Variants in ANK1 observed in about 807,000 individuals in gnomAD.
ANK1 encodes the protein ankyrin-1.
ANK1 carries 51 observed loss-of-function variants against 210.4 expected under a neutral mutation model. The observed-to-expected ratio is 0.24, with a 90% CI of 0.19 to 0.31. The LOEUF is 0.31. ANK1 is among the 10% of genes least tolerant of loss of function. ANK1 has a pLI of 1.00. For synonymous variants in ANK1, 967 were observed against 1,025.9 expected, an observed-to-expected ratio of 0.94 and a Z score of 1.10; for missense variants, 2,051 against 2,504.4, an observed-to-expected ratio of 0.82 and a Z score of 3.86.
intron 1 of ANK1, among the ~76,000 whole-genome samples, chr8:41,884,938 A>G (rs1818200577): frequency 6.6e-6 from 1 of 151,970 alleles, no homozygotes; most frequent in African/African-American, 2.4e-5. Context: ...AAATCCTAGG[A>G]GCACGGGGAG....
chr8:41,836,375 C>G lies in ANK1; in HGVS notation c.126+59980G>C, dbSNP rs149480823. 1.4e-4 allele frequency among the ~76,000 whole-genome samples: 22 copies of G among 152,388 alleles called. No individual in the cohort carries two copies. In the East Asian group the frequency reaches 3.9e-3, roughly 27 times the overall value. ...GTTTCCATTCTCCAGAGATTTCTTG[C>G]TCTGTCTCCTGTCTGCAATAGCAGG... On this transcript the variant is annotated intron_variant, in intron 1 of 42. Transcript: ENST00000265709.
intron 31 of ANK1, among the ~76,000 whole-genome samples, chr8:41,692,322 G>A (rs946858612): frequency 3.3e-5 from 5 of 152,238 alleles, no homozygotes; most frequent in Non-Finnish European, 7.3e-5. Flanking sequence ...CTTTCAAAGT[G>A]TTGAGATGAA....
At chr8:41,756,956 G>A (rs1182000350) in intron 2 of ANK1, among the ~76,000 whole-genome samples, 2 of 152,186 alleles carry the variant, frequency 1.3e-5, no homozygotes, top group Non-Finnish European at 2.9e-5. Flanking sequence ...AATATAGCAG[G>A]ATTCCGTTTC....
At chr8:41,664,922 G>A (rs755759758) in intron 39 of ANK1, 1 of 1,614,258 alleles carries the variant, frequency 6.2e-7, no homozygotes, top group Non-Finnish European at 8.5e-7. Flanking sequence ...TTAGCACAAA[G>A]CACAGGGACC....
At position 41,758,059 on chromosome 8, in the gene ANK1, C is replaced by T; in HGVS notation, c.106G>A (p.Val36Ile). The change falls in exon 2 of 43, where the codon GTA becomes ATA. Residue 36 changes from valine to isoleucine, a missense_variant. By Grantham distance (29) the Val-to-Ile change is conservative. Coordinates refer to ENST00000289734, the MANE Select transcript of ANK1 (RefSeq NM_000037.4). Reference sequence around the variant, plus strand: ...ACCTGGTTACAGGTGTTAATATCTACCCCATTCCGCAGGTGATCCAAAGCT... The same window carrying T: ...ACCTGGTTACAGGTGTTAATATCTATCCCATTCCGCAGGTGATCCAAAGCT... ...DKALDHLRNGVDINTCNQNGL... is the reference protein window; with the variant it reads ...DKALDHLRNGIDINTCNQNGL... 1 of 1,614,196 alleles carries T rather than the reference C, an allele frequency of 6.2e-7. No homozygotes were observed. The highest frequency in any genetic ancestry group is 8.5e-7 in the Non-Finnish European group (1 of 1,180,028).
chr8:41,883,426 C>T (rs186395344), intron 1 of ANK1, among the ~76,000 whole-genome samples: 145 of 151,028 alleles, frequency 9.6e-4, no homozygotes, highest in African/African-American at 2.9e-3. Flanking sequence ...ATAACAGGTA[C>T]CGAGAAGGAT....
chr8:41,683,228 A>G (rs1395046621), intron 37 of ANK1, among the ~76,000 whole-genome samples: 2 of 151,130 alleles, frequency 1.3e-5, no homozygotes, highest in African/African-American at 4.9e-5. Context: ...CGAAATGGGG[A>G]CAGTGGAGAC....
At chr8:41,752,801 C>CCCCA (rs1554597001) in intron 2 of ANK1, among the ~76,000 whole-genome samples, 11 of 151,606 alleles carry the variant, frequency 7.3e-5, no homozygotes, top group Admixed American at 6.6e-4. Flanking sequence ...CACACAGGCC[C>CCCCA]CCCCCCACTG....
intron 1 of ANK1, among the ~76,000 whole-genome samples, chr8:41,836,635 G>A (rs1442984487): frequency 1.3e-5 from 2 of 152,266 alleles, no homozygotes; most frequent in African/African-American, 4.8e-5. Context: ...CTCAAAAGGA[G>A]GGTAAGAGGT....
At position 41,891,021 on chromosome 8, in the gene ANK1, T is replaced by A. The variant is rs117169980; in HGVS notation, c.126+5334A>T. Among the ~76,000 whole-genome samples, 106 of 152,264 alleles carry A rather than the reference T, an allele frequency of 7.0e-4. 2 individuals are homozygous for A. The East Asian group carries it at 0.017, about 25-fold the overall frequency. ...AAACAAGAACTTCTGCATGTGCATG[T>A]GTGTATGCGTGGAAGGTGCAGAGAG... On this transcript the variant is annotated intron_variant, in intron 1 of 42. Transcript: ENST00000265709.
intron 1 of ANK1, among the ~76,000 whole-genome samples, chr8:41,844,362 C>T (rs1274610111): frequency 6.6e-6 from 1 of 152,144 alleles, no homozygotes; most frequent in African/African-American, 2.4e-5. Flanking sequence ...GAAAAGTGGG[C>T]AGATGGGAAC....
chr8:41,828,479 G>GCCTCTGTGTCCTGCCAC (rs981297372), intron 1 of ANK1: 7 of 154,260 alleles, frequency 4.5e-5, no homozygotes, highest in African/African-American at 1.7e-4. Context: ...GTGGCCGCCA[G>GCCTCTGTGTCCTGCCAC]CCTCTGTGTC....
chr8:41,787,512 T>C lies in ANK1; in HGVS notation c.27+10000A>G, dbSNP rs749499552. On this transcript the variant is annotated intron_variant, in intron 1 of 42. Transcript: ENST00000289734. ...ATAAGGAACTGGAAAACGTGTGGTA[T>C]CATATGACCTTCTGAGAGGTAAACC... is the stretch of plus-strand genomic sequence containing the variant. 1.6e-4 allele frequency among the ~76,000 whole-genome samples: 24 copies of C among 152,138 alleles called. 1 individual carries two copies. Among genetic ancestry groups the C allele is most frequent in the Non-Finnish European group, 2.9e-4 (20 of 68,018 alleles).
chr8:41,859,276 C>G (rs1812804868), intron 1 of ANK1, among the ~76,000 whole-genome samples: 1 of 152,226 alleles, frequency 6.6e-6, no homozygotes, highest in South Asian at 2.1e-4. Flanking sequence ...CTGGGCTTGG[C>G]CCTCCAACAA....
At chr8:41,700,331 GAAGATGGA>G in intron 22 of ANK1, 1 of 1,307,360 alleles carries the variant, frequency 7.6e-7, no homozygotes, top group Non-Finnish European at 1.1e-6. Context: ...GCTGTCAGAG[GAAGATGGA>G]AAGCAGGAAT....
At chr8:41,769,079 T>C (rs1198675745) in intron 1 of ANK1, among the ~76,000 whole-genome samples, 1 of 152,196 alleles carries the variant, frequency 6.6e-6, no homozygotes, top group African/African-American at 2.4e-5. Flanking sequence ...GGAAGTGGGA[T>C]AATCAAAGAT....
At chr8:41,876,979 C>T (rs112872322) in intron 1 of ANK1, among the ~76,000 whole-genome samples, 1 of 152,074 alleles carries the variant, frequency 6.6e-6, no homozygotes, top group African/African-American at 2.4e-5. Flanking sequence ...TGACCATCTT[C>T]AAAATAAATA....
rs575611913 is a variant in ANK1, at chr8:41,713,958, C to T, written c.1800+198G>A. Among the ~76,000 whole-genome samples the T allele has an allele frequency of 2.0e-5, 3 of 152,356 alleles. No individual in the cohort carries two copies. The South Asian group carries it at 6.2e-4, about 32-fold the overall frequency. ...CCTGGCTGGGAATTGTTACCCACTT[C>T]CCATCCCACTCCTGGGCCCTGAATA... On this transcript the variant is annotated intron_variant, in intron 16 of 42. Coordinates refer to ENST00000289734, the MANE Select transcript of ANK1 (RefSeq NM_000037.4).
intron 42 of ANK1, among the ~76,000 whole-genome samples, chr8:41,656,264 C>T (rs972393865): frequency 6.6e-6 from 1 of 152,256 alleles, no homozygotes; most frequent in Non-Finnish European, 1.5e-5. Flanking sequence ...CATGCGCCAG[C>T]CTTGGGAACC....
Sources: gnomAD v4.1 joint callset for allele counts (sites outside exome capture counted in the v4.1 genomes callset) on GRCh38, gnomAD v4.1.1 for gene constraint, MANE v1.5 for transcripts, NCBI Gene and HGNC (gene_info 2026-07-23, HGNC 2026-07-21) for gene names.